VAX2: variants seen among roughly 807,000 people sequenced by gnomAD.
The protein encoded by VAX2 is ventral anterior homeobox 2.
A neutral mutation model predicts 12.5 loss-of-function variants in VAX2; 8 were observed. The ratio of observed to expected loss-of-function variants is 0.64; its 90% CI spans 0.37 to 1.15. VAX2 has a LOEUF of 1.15. Among genes scored for constraint, VAX2 ranks in the 50% most tolerant of loss-of-function variants. The probability of loss-of-function intolerance (pLI) is 0.01; values close to 1 mark genes in which losing one functional copy is unlikely to be tolerated. For synonymous variants in VAX2, 183 were observed against 187.6 expected, an observed-to-expected ratio of 0.98 and a Z score of 0.20; for missense variants, 476 against 412.9, an observed-to-expected ratio of 1.15 and a Z score of -1.32.
chr2:70,902,015 G>A (rs1050836333), intron 1 of VAX2, among the ~76,000 whole-genome samples: 1 of 152,234 alleles, frequency 6.6e-6, no homozygotes, highest in Non-Finnish European at 1.5e-5. Flanking sequence ...GGCCCGAGCG[G>A]ATTTCTTTGG....
intron 2 of VAX2, among the ~76,000 whole-genome samples, chr2:70,921,852 A>G (rs142473659): frequency 6.6e-6 from 1 of 152,216 alleles, no homozygotes; most frequent in East Asian, 1.9e-4. Flanking sequence ...CTCAAAAGAA[A>G]AAAACTTTTG....
At chr2:70,909,481 A>G (rs1553410973) in intron 1 of VAX2, among the ~76,000 whole-genome samples, 1 of 152,202 alleles carries the variant, frequency 6.6e-6, no homozygotes, top group East Asian at 1.9e-4. Context: ...CTTTTTAATT[A>G]CAAAAGCAAT....
At chr2:70,912,065 C>A (rs1679197309) in intron 1 of VAX2, among the ~76,000 whole-genome samples, 1 of 152,138 alleles carries the variant, frequency 6.6e-6, no homozygotes, top group Non-Finnish European at 1.5e-5. Context: ...TCTCTAATAA[C>A]CCTGTCTTTC....
intron 1 of VAX2, among the ~76,000 whole-genome samples, chr2:70,901,594 G>A (rs1471569593): frequency 6.6e-6 from 1 of 152,216 alleles, no homozygotes; most frequent in East Asian, 1.9e-4. Context: ...CGCCTTCCCA[G>A]CACCTTCTTC....
At position 70,918,936 on chromosome 2, in the gene VAX2, G is replaced by T. The variant is rs540498663; in HGVS notation, c.248-2162G>T. Reference sequence around the variant, plus strand: ...TAAAATGATGGAGGCGGGCGCAGTGGTTCATGCCTGTAATCCCAGCACTTT... The same window carrying T: ...TAAAATGATGGAGGCGGGCGCAGTGTTTCATGCCTGTAATCCCAGCACTTT... On this transcript the variant is annotated intron_variant, in intron 1 of 2. Coordinates refer to ENST00000234392, the MANE Select transcript of VAX2 (RefSeq NM_012476.3). Among the ~76,000 whole-genome samples, 5 of 151,882 alleles carry T rather than the reference G, an allele frequency of 3.3e-5. No homozygotes were observed. The East Asian group carries it at 5.8e-4, about 18-fold the overall frequency.
intron 1 of VAX2, among the ~76,000 whole-genome samples, chr2:70,909,327 G>C (rs1679133085): frequency 6.6e-6 from 1 of 151,538 alleles, no homozygotes; most frequent in Admixed American, 6.6e-5. Flanking sequence ...CACAATGCTG[G>C]CCTAGCTTTA....
chr2:70,915,061 A>G (rs1423589358), intron 1 of VAX2, among the ~76,000 whole-genome samples: 1 of 152,096 alleles, frequency 6.6e-6, no homozygotes, highest in Non-Finnish European at 1.5e-5. Flanking sequence ...TCGGCCTCCC[A>G]AAGTGCTGGG....
At chr2:70,906,963 T>C (rs1553410674) in intron 1 of VAX2, among the ~76,000 whole-genome samples, 1 of 152,244 alleles carries the variant, frequency 6.6e-6, no homozygotes, top group Admixed American at 6.5e-5. Context: ...ATGCTTTTAG[T>C]GCACTGTAGG....
chr2:70,909,997 A>G (rs1007115490), intron 1 of VAX2, among the ~76,000 whole-genome samples: 20 of 152,150 alleles, frequency 1.3e-4, no homozygotes, highest in Admixed American at 1.3e-3. Flanking sequence ...TTTAAATCTT[A>G]TTTATGAGAC....
chr2:70,903,423 AG>A (rs1221436082), intron 1 of VAX2, among the ~76,000 whole-genome samples: 1 of 151,906 alleles, frequency 6.6e-6, no homozygotes, highest in African/African-American at 2.4e-5. Flanking sequence ...GGCATACCAC[AG>A]GGGGGTGGGG....
At position 70,933,123 on chromosome 2, in the gene VAX2, G is replaced by C. The variant is rs782592771; in HGVS notation, c.792G>C (p.Leu264=). ...PLLDLPAGYE[L]GSSAFEPYSW... The stretch of plus-strand genomic sequence containing the variant: ...TGGATCTGCCTGCCGGCTACGAACT[G>C]GGTTCCTCGGCCTTCGAGCCATACA... Residue 264 remains leucine (L), a synonymous_variant, in exon 3 of 3, where the codon CTG becomes CTC. Transcript: ENST00000234392. 1.9e-6 allele frequency: 3 copies of C among 1,606,388 alleles called. No homozygotes were observed. The highest frequency in any genetic ancestry group is 2.5e-6 in the Non-Finnish European group (3 of 1,176,956).
rs2104768236 is a variant in VAX2 at position 70,914,321 on chromosome 2, C to T, written c.248-6777C>T. Among the ~76,000 whole-genome samples the T allele has an allele frequency of 1.3e-5, 2 of 152,226 alleles. 1 individual carries two copies. The highest frequency in any genetic ancestry group is 4.2e-4 in the South Asian group (2 of 4,816). On this transcript the variant is annotated intron_variant, in intron 1 of 2. Coordinates refer to ENST00000234392, the MANE Select transcript of VAX2 (RefSeq NM_012476.3). The stretch of plus-strand genomic sequence containing the variant: ...AAAAATTAGGGGGCGTGGTGATGGG[C>T]ACCTGTAATCCCAGCTACTTGGGAG...
At chr2:70,928,005 T>C (rs1388408853) in intron 2 of VAX2, among the ~76,000 whole-genome samples, 3 of 152,286 alleles carry the variant, frequency 2.0e-5, no homozygotes, top group Non-Finnish European at 2.9e-5. Context: ...AGGAATGGTT[T>C]CCCAGAAGTG....
At chr2:70,916,757 T>C (rs1679314208) in intron 1 of VAX2, among the ~76,000 whole-genome samples, 2 of 152,204 alleles carry the variant, frequency 1.3e-5, no homozygotes, top group Non-Finnish European at 2.9e-5. Flanking sequence ...TGTTTAACCA[T>C]TCACCCATTG....
chr2:70,913,728 C>T (rs1031080500), intron 1 of VAX2, among the ~76,000 whole-genome samples: 2 of 151,856 alleles, frequency 1.3e-5, no homozygotes, highest in African/African-American at 2.4e-5. Flanking sequence ...AATAACTTTA[C>T]ATTTATTATC....
rs566985371 is a variant in VAX2 at position 70,932,837 on chromosome 2, C to T, written c.506C>T (p.Ala169Val). 20 of 1,612,286 alleles carry T rather than the reference C, an allele frequency of 1.2e-5. No individual in the cohort carries two copies. In the East Asian group the frequency reaches 1.8e-4, roughly 14 times the overall value. ...CAGAGCAGAGACCTGGAGAAGCGGG[C>T]GTCCTCCTCAGCCTCCGAGGCCTTT... is the stretch of plus-strand genomic sequence containing the variant. ...KDQSRDLEKRASSSASEAFAT... is the reference protein window; with the variant it reads ...KDQSRDLEKRVSSSASEAFAT... The change falls in exon 3 of 3, where the codon GCG becomes GTG. Residue 169 changes from alanine to valine, a missense_variant. Transcript: ENST00000234392.
intron 2 of VAX2, among the ~76,000 whole-genome samples, chr2:70,927,314 A>G (rs1679595835): frequency 6.6e-6 from 1 of 151,810 alleles, no homozygotes; most frequent in Non-Finnish European, 1.5e-5. Flanking sequence ...TCTCAGGGCC[A>G]GGAGCCCAGG....
intron 1 of VAX2, among the ~76,000 whole-genome samples, chr2:70,911,410 T>G (rs1196085275): frequency 9.2e-5 from 14 of 152,172 alleles, no homozygotes; most frequent in African/African-American, 3.4e-4. Flanking sequence ...CTACAAACAG[T>G]GGGTCTGTAT....
intron 1 of VAX2, 128 bp from the exon 2 acceptor site, chr2:70,920,970 A>C (rs1275454272): frequency 2.6e-6 from 3 of 1,140,482 alleles, no homozygotes; most frequent in Non-Finnish European, 3.6e-6. Flanking sequence ...AACTTGTCAC[A>C]GGTCATGCAA....
Sources: gnomAD v4.1 joint callset for allele counts (sites outside exome capture counted in the v4.1 genomes callset) on GRCh38, gnomAD v4.1.1 for gene constraint, MANE v1.5 for transcripts, NCBI Gene and HGNC (gene_info 2026-07-23, HGNC 2026-07-21) for gene names.